The following ODR4 variants were observed in gnomAD, a reference collection of about 807,000 sequenced individuals.
ODR4 encodes the protein odr-4 GPCR localization factor homolog.
ODR4 carries 47 observed loss-of-function variants against 60.2 expected under a neutral mutation model. The observed-to-expected ratio is 0.78, with a 90% CI of 0.62 to 1.00. The LOEUF is 1.00. Ranked by LOEUF, ODR4 falls within the 50% of genes least tolerant of loss-of-function variation. The probability of loss-of-function intolerance (pLI) is 0.00; values close to 1 mark genes in which losing one functional copy is unlikely to be tolerated. For synonymous variants in ODR4, 178 were observed against 175.5 expected, an observed-to-expected ratio of 1.01 and a Z score of -0.11; for missense variants, 488 against 530.8, an observed-to-expected ratio of 0.92 and a Z score of 0.79.
chr1:186,408,317 A>G (rs1661245095), intron 12 of ODR4, among the ~76,000 whole-genome samples: 2 of 152,054 alleles, frequency 1.3e-5, no homozygotes, highest in South Asian at 4.1e-4. Context: ...GAAGTATAGT[A>G]TGATTATTTT....
At chr1:186,384,589 A>ACACG (rs1369091562) in intron 3 of ODR4, among the ~76,000 whole-genome samples, 2 of 151,950 alleles carry the variant, frequency 1.3e-5, no homozygotes, top group African/African-American at 4.8e-5. Flanking sequence ...ACACACACAC[A>ACACG]CACACACACA....
intron 13 of ODR4, 107 bp from the exon 14 acceptor site, chr1:186,418,902 A>G (rs1039626461): frequency 7.1e-6 from 6 of 848,080 alleles, no homozygotes; most frequent in South Asian, 2.9e-5. Context: ...GTGTTTGTGT[A>G]TTGTTTTTTA....
chr1:186,387,878 T>C (rs998956745), intron 4 of ODR4, among the ~76,000 whole-genome samples: 1 of 152,224 alleles, frequency 6.6e-6, no homozygotes, highest in African/African-American at 2.4e-5. Flanking sequence ...ACTATTCTAC[T>C]TTAACTTTCA....
chr1:186,388,029 C>T (rs988589919), intron 4 of ODR4, among the ~76,000 whole-genome samples: 3 of 152,146 alleles, frequency 2.0e-5, no homozygotes, highest in African/African-American at 7.2e-5. Flanking sequence ...ATTAAAGTCT[C>T]TGTTCTATAG....
chr1:186,429,220 C>G, the ODR4 span, among the ~76,000 whole-genome samples: 1 of 151,864 alleles, frequency 6.6e-6, no homozygotes, highest in Non-Finnish European at 1.5e-5. Flanking sequence ...AACTGCATTC[C>G]AGCCTGAGTG....
Position 186,417,544 on chromosome 1 carries a change from CT to C in ODR4, c.1189del (p.Cys397ValfsTer2). The C allele has an allele frequency of 6.5e-7, 1 of 1,530,912 alleles. No individual in the cohort carries two copies. 94.8% of individuals were successfully genotyped at this position (1,530,912 alleles called of 1,614,324 possible). ...ATTTATTATTATTATACCCTTTCAG[CT>C]TGTATGAGTTCTTCTATGAATAGTC... is the stretch of plus-strand genomic sequence containing the variant. ...DLEIAEETNT[A>X]CMSSSMNSQA... On this transcript the variant is annotated frameshift_variant and splice_region_variant, in exon 13 of 14. Transcript: ENST00000287859. LOFTEE classifies it high-confidence loss of function.
chr1:186,416,911 A>G (rs763548115), intron 12 of ODR4, among the ~76,000 whole-genome samples: 3 of 150,796 alleles, frequency 2.0e-5, no homozygotes, highest in Non-Finnish European at 4.4e-5. Flanking sequence ...TTACTCTGCT[A>G]TGAATTTTGG....
At position 186,391,988 on chromosome 1, in the gene ODR4, A is replaced by C. The variant is rs1180017539; in HGVS notation, c.711+197A>C. 2.0e-5 allele frequency among the ~76,000 whole-genome samples: 3 copies of C among 152,360 alleles called. No individual in the cohort carries two copies. The East Asian group carries it at 5.8e-4, about 29-fold the overall frequency. ...AAGTAGGCAGAGGATATGAACAGAC[A>C]CTTTTCAAAAGAAGACATACATGCA... On this transcript the variant is annotated intron_variant, in intron 8 of 13. Coordinates refer to ENST00000287859, the MANE Select transcript of ODR4 (RefSeq NM_017847.6).
At position 186,398,970 on chromosome 1, in the gene ODR4, T is replaced by C. The variant is rs1452828575; in HGVS notation, c.926T>C (p.Ile309Thr). 1 of 1,611,974 alleles carries C rather than the reference T, an allele frequency of 6.2e-7. No individual in the cohort carries two copies. The change falls in exon 11 of 14, where the codon ATA becomes ACA. Residue 309 changes from isoleucine (I) to threonine (T), a missense_variant. Coordinates refer to ENST00000287859, the MANE Select transcript of ODR4 (RefSeq NM_017847.6). ...KDAVQAVKRDILNTVADRCEM... is the reference protein window; with the variant it reads ...KDAVQAVKRDTLNTVADRCEM... ...TCCCTGTAGGCAGTAAAGAGGGATA[T>C]ATTGAACACAGTTGCTGATCGTTGT...
At chr1:186,377,499 G>A (rs1239961234) in intron 1 of ODR4, among the ~76,000 whole-genome samples, 1 of 152,082 alleles carries the variant, frequency 6.6e-6, no homozygotes, top group Non-Finnish European at 1.5e-5. Context: ...GAAGAAATAA[G>A]GTTAAAAGGT....
chr1:186,400,961 A>C, intron 11 of ODR4: 1 of 1,346,802 alleles, frequency 7.4e-7, no homozygotes, highest in Admixed American at 2.1e-5. Context: ...AGTTTGTGGT[A>C]ACTCCTGTGG....
intron 12 of ODR4, among the ~76,000 whole-genome samples, chr1:186,415,310 T>A (rs2102092368): frequency 6.6e-6 from 1 of 152,272 alleles, no homozygotes; most frequent in Middle Eastern, 3.4e-3. Flanking sequence ...ATATACCTAT[T>A]TCAGTAAGTT....
chr1:186,403,259 A>T (rs956627400), intron 11 of ODR4, among the ~76,000 whole-genome samples: 8 of 152,176 alleles, frequency 5.3e-5, no homozygotes, highest in African/African-American at 1.7e-4. Context: ...TTAATTTTTA[A>T]CTTTTGTGGA....
intron 5 of ODR4, 87 bp from the exon 6 acceptor site, chr1:186,389,501 C>A: frequency 3.9e-6 from 4 of 1,031,382 alleles, no homozygotes; most frequent in Non-Finnish European, 5.8e-6. Context: ...TGGATGCGTG[C>A]ATTTTTTAGT....
intron 13 of ODR4, among the ~76,000 whole-genome samples, chr1:186,418,244 G>C (rs1197177025): frequency 1.3e-5 from 2 of 150,212 alleles, no homozygotes; most frequent in East Asian, 3.9e-4. Context: ...ACATGTGTGT[G>C]TGTCTGTCTG....
intron 3 of ODR4, among the ~76,000 whole-genome samples, chr1:186,384,812 T>G (rs1315767349): frequency 1.3e-5 from 2 of 152,120 alleles, no homozygotes; most frequent in African/African-American, 4.8e-5. Flanking sequence ...CTATAGTAAA[T>G]AGAATTTATT....
downstream of ODR4, among the ~76,000 whole-genome samples, chr1:186,426,191 AC>A (rs1661877084): frequency 6.6e-6 from 1 of 152,162 alleles, no homozygotes; most frequent in Non-Finnish European, 1.5e-5. Flanking sequence ...TTTGGGTTTG[AC>A]CAAGTGGCAC....
At chr1:186,411,326 G>A (rs942243012) in intron 12 of ODR4, among the ~76,000 whole-genome samples, 1 of 152,134 alleles carries the variant, frequency 6.6e-6, no homozygotes, top group Non-Finnish European at 1.5e-5. Flanking sequence ...CACTTCAACT[G>A]AAAGGTCACT....
chr1:186,396,564 G>A (rs764928554), intron 9 of ODR4, among the ~76,000 whole-genome samples: 57 of 152,094 alleles, frequency 3.7e-4, no homozygotes, highest in Admixed American at 1.2e-3. Context: ...AGCTCTGATA[G>A]CATCACTGTA....
Sources: gnomAD v4.1 joint callset for allele counts (sites outside exome capture counted in the v4.1 genomes callset) on GRCh38, gnomAD v4.1.1 for gene constraint, MANE v1.5 for transcripts, NCBI Gene and HGNC (gene_info 2026-07-23, HGNC 2026-07-21) for gene names.